MYH10: variants seen among roughly 807,000 people sequenced by gnomAD.
MYH10 encodes myosin-10.
Under a neutral mutation model 257.8 loss-of-function variants are expected in MYH10, and 55 were observed. The observed-to-expected ratio is 0.21, with a 90% CI of 0.17 to 0.27. MYH10 has a LOEUF of 0.27. MYH10 is among the 10% of genes least tolerant of loss of function. The pLI, the probability that MYH10 is intolerant of heterozygous loss-of-function variation, is 1.00. For missense variants in MYH10, 1,631 were observed against 2,500.6 expected (o/e 0.65, Z 7.42); for synonymous variants, 854 against 921.7 (o/e 0.93, Z 1.33).
At chr17:8,479,837 G>C (rs759291097) in intron 40 of MYH10, among the ~76,000 whole-genome samples, 5 of 152,192 alleles carry the variant, frequency 3.3e-5, no homozygotes, top group Non-Finnish European at 7.3e-5. Context: ...ATCGACTTTG[G>C]GTAGGAGATG....
rs1373497700 is a variant in MYH10, at chr17:8,490,411, C to T, written c.4813G>A (p.Ala1605Thr). ...RLEVNMQAMK[A>T]QFERDLQTRD... ...GTTTGCAGGTCTCTCTCGAACTGCG[C>T]CTTCATGGCCTGCATGTTGACCTCC... is the stretch of plus-strand genomic sequence containing the variant. The change falls in exon 35 of 43, where the codon GCG (alanine) becomes ACG (threonine). Residue 1605 changes from alanine (A) to threonine (T), a missense_variant. Around this residue, in one of 11 missense-constraint regions of MYH10, gnomAD observed 463 missense variants for 621.8 expected, o/e 0.74. Transcript: ENST00000360416. The surrounding 1 kb of genome is among the most constrained non-coding windows in gnomAD (Gnocchi z 4.1). 6.2e-7 allele frequency: 1 copy of T among 1,614,078 alleles called. No homozygotes were observed. The highest frequency in any genetic ancestry group is 8.5e-7 in the Non-Finnish European group (1 of 1,180,054).
chr17:8,494,566 C>A (rs1410666669), intron 31 of MYH10, among the ~76,000 whole-genome samples: 2 of 152,046 alleles, frequency 1.3e-5, no homozygotes, highest in African/African-American at 2.4e-5. Flanking sequence ...ATCCCCAGCA[C>A]CTAGCCTAAA....
In MYH10 at chr17:8,504,645, G is replaced by A. The variant is rs926919835; in HGVS notation, c.3599+49C>T. The A allele has an allele frequency of 6.5e-7, 1 of 1,544,596 alleles. No homozygotes were observed. Among genetic ancestry groups the A allele is most frequent in the African/African-American group, 1.4e-5 (1 of 73,288 alleles). On this transcript the variant is annotated intron_variant, in intron 28 of 42. Transcript: ENST00000360416. This position sits in a 1 kb window ranked among gnomAD's most constrained non-coding sequence, Gnocchi z 5.6. The stretch of plus-strand genomic sequence containing the variant: ...CACCAGGCATTTCTGCACGGGCTCG[G>A]TGGAGAGGTCGGCAGGCGCCCGGGC...
chr17:8,606,568 T>C (rs943206698), intron 2 of MYH10, among the ~76,000 whole-genome samples: 6 of 152,062 alleles, frequency 3.9e-5, no homozygotes, highest in Admixed American at 2.0e-4. Context: ...ACCAGAAAGC[T>C]CTCCAGAGAC....
chr17:8,546,659 G>A lies in MYH10; in HGVS notation c.1163C>T (p.Ala388Val), dbSNP rs757539505. Reference protein sequence around the residue: ...DQASMPENTVAQKLCHLLGMN... With the variant: ...DQASMPENTVVQKLCHLLGMN... ...CCCAAGAAGATGGCAGAGCTTCTGC[G>A]CAACTGAAGTGTAAAAAGTCTCCTA... The change falls in exon 12 of 43, where the codon GCG (alanine) becomes GTG (valine). Residue 388 changes from alanine to valine, a missense_variant. By Grantham distance (64) the Ala-to-Val change is moderately conservative. This residue lies in a region of MYH10 where 360 missense variants were observed against 581.9 expected (regional missense o/e 0.62). Coordinates refer to ENST00000360416, the MANE Select transcript of MYH10 (RefSeq NM_001256012.3). The A allele has an allele frequency of 2.4e-5, 39 of 1,612,554 alleles. No homozygotes were observed. Among genetic ancestry groups the A allele is most frequent in the South Asian group, 3.3e-5 (3 of 90,898 alleles).
intron 4 of MYH10, among the ~76,000 whole-genome samples, chr17:8,581,689 C>G (rs963855578): frequency 6.6e-6 from 1 of 152,062 alleles, no homozygotes; most frequent in Non-Finnish European, 1.5e-5. Flanking sequence ...ATAATAGCTC[C>G]TAATACATAG....
chr17:8,548,835 C>G, intron 9 of MYH10, 48 bp from the exon 10 acceptor site: 1 of 1,512,200 alleles, frequency 6.6e-7, no homozygotes. Context: ...CTCATGAAGA[C>G]AACTAAGCCA....
chr17:8,493,019 A>T lies in MYH10; in HGVS notation c.4215T>A (p.Ala1405=), dbSNP rs1392842374. The T allele has an allele frequency of 1.2e-6, 2 of 1,612,966 alleles. No individual in the cohort carries two copies. The highest frequency in any genetic ancestry group is 2.7e-5 in the African/African-American group (2 of 74,714). Residue 1405 remains alanine, a synonymous_variant, in exon 33 of 43, where the codon GCT becomes GCA. Transcript: ENST00000360416. ...KQVLALQSQL[A]DTKKKVDDDL... ...CGTCATCTACTTTCTTCTTGGTATCAGCCAACTAGGTTTTGTGTACGGACA... is the reference window on the plus strand; with the variant it reads ...CGTCATCTACTTTCTTCTTGGTATCTGCCAACTAGGTTTTGTGTACGGACA...
intron 9 of MYH10, among the ~76,000 whole-genome samples, chr17:8,549,109 A>G (rs2082536741): frequency 6.6e-6 from 1 of 152,216 alleles, no homozygotes; most frequent in East Asian, 1.9e-4. Context: ...ACAAAACTCT[A>G]TTGTTTTCAG....
At chr17:8,549,109 A>T (rs2082536741) in intron 9 of MYH10, among the ~76,000 whole-genome samples, 1 of 152,216 alleles carries the variant, frequency 6.6e-6, no homozygotes, top group South Asian at 2.1e-4. Context: ...ACAAAACTCT[A>T]TTGTTTTCAG....
At chr17:8,580,017 C>T (rs992941140) in intron 4 of MYH10, among the ~76,000 whole-genome samples, 4 of 152,128 alleles carry the variant, frequency 2.6e-5, no homozygotes, top group Admixed American at 1.3e-4. Context: ...ATCCCAGCTA[C>T]TCGGGAGGTT....
intron 30 of MYH10, among the ~76,000 whole-genome samples, chr17:8,497,113 C>T (rs1409407232): frequency 6.6e-6 from 1 of 152,148 alleles, no homozygotes; most frequent in Non-Finnish European, 1.5e-5. Flanking sequence ...GCACCTCAGC[C>T]CTCGTGCCCT....
chr17:8,481,513 T>C, intron 37 of MYH10, 103 bp from the exon 38 acceptor site: 1 of 928,332 alleles, frequency 1.1e-6, no homozygotes, highest in Non-Finnish European at 1.6e-6. Flanking sequence ...TGTCACTGTT[T>C]ACCTGCACCT....
Position 8,478,422 on chromosome 17 carries a change from T to C in MYH10, c.5622A>G (p.Leu1874=). ...TCAGCTTCTTCTCAGTGCGACGGAC[T>C]AATTTGTTGGCGGCTGCTCGTTCCC... ...EAKERAAANK[L]VRRTEKKLKE... The change falls in exon 41 of 43, where the codon TTA becomes TTG. Residue 1874 remains leucine, a synonymous_variant. Transcript: ENST00000360416. The C allele has an allele frequency of 2.5e-6, 4 of 1,614,274 alleles. No homozygotes were observed. Among genetic ancestry groups the C allele is most frequent in the Non-Finnish European group, 3.4e-6 (4 of 1,180,042 alleles).
chr17:8,494,021 G>C (rs1916182285), intron 31 of MYH10, 136 bp from the exon 32 acceptor site: 2 of 958,594 alleles, frequency 2.1e-6, no homozygotes, highest in South Asian at 3.5e-5. Flanking sequence ...AACAAACACA[G>C]ATGATTTAAA....
chr17:8,591,009 A>C (rs1255719763), intron 3 of MYH10, among the ~76,000 whole-genome samples: 1 of 149,968 alleles, frequency 6.7e-6, no homozygotes, highest in Admixed American at 6.7e-5. Context: ...AGTAGCTGGG[A>C]CTACAGGCGC....
At chr17:8,587,919 G>A (rs566634738) in intron 4 of MYH10, among the ~76,000 whole-genome samples, 215 of 151,714 alleles carry the variant, frequency 1.4e-3, no homozygotes, top group African/African-American at 5.1e-3. Context: ...CTACCTCTTC[G>A]CTATCCCCAG....
At position 8,506,120 on chromosome 17, in the gene MYH10, TG is replaced by T; in HGVS notation, c.3386+197del. The T allele has an allele frequency of 2.1e-6, 1 of 483,338 alleles. No individual in the cohort carries two copies. Among genetic ancestry groups the T allele is most frequent in the Non-Finnish European group, 3.6e-6 (1 of 280,392 alleles). The allele number at this position is 483,338 out of a possible 1,614,324, so 29.9% of individuals were successfully genotyped here. ...ATTTGTCATTTTAAAGTATAAATATTGAGATGGTTTATGAGACTTTCTTGCT... is the reference window on the plus strand; with the variant it reads ...ATTTGTCATTTTAAAGTATAAATATTAGATGGTTTATGAGACTTTCTTGCT... On this transcript the variant is annotated intron_variant, in intron 27 of 42. Coordinates refer to ENST00000360416, the MANE Select transcript of MYH10 (RefSeq NM_001256012.3). This position sits in a 1 kb window ranked among gnomAD's most constrained non-coding sequence, Gnocchi z 5.0.
At chr17:8,617,501 G>T (rs1989360) in intron 2 of MYH10, among the ~76,000 whole-genome samples, 1 of 151,870 alleles carries the variant, frequency 6.6e-6, no homozygotes, top group African/African-American at 2.4e-5. Context: ...CAAATACCTC[G>T]TTTGAGAGCC....
Sources: allele counts gnomAD v4.1 joint callset (sites outside exome capture counted in the v4.1 genomes callset), GRCh38; gene constraint gnomAD v4.1.1; regional missense constraint gnomAD v4.1.1; non-coding constraint Gnocchi (gnomAD v3.1); transcripts MANE v1.5; gene names NCBI Gene and HGNC (gene_info 2026-07-23, HGNC 2026-07-21).